MYH8: variants seen among roughly 807,000 people sequenced by gnomAD.
MYH8 encodes myosin heavy chain 8.
In MYH8, 168 loss-of-function variants were observed where a neutral mutation model predicts 233.2. The observed-to-expected ratio is 0.72, with a 90% CI of 0.64 to 0.82. The LOEUF is 0.82. MYH8 is among the 40% of genes least tolerant of loss of function. The pLI is 0.00. For missense variants in MYH8, 1,995 were observed against 2,327.8 expected (o/e 0.86, Z 2.94); for synonymous variants, 785 against 850.6 (o/e 0.92, Z 1.34).
At chr17:10,394,936 C>T (rs2072065420) in intron 34 of MYH8, among the ~76,000 whole-genome samples, 197 bp downstream of exon 34, 1 of 152,140 alleles carries the variant, frequency 6.6e-6, no homozygotes, top group African/African-American at 2.4e-5. Flanking sequence ...TACTGTAATG[C>T]CTAGGCATCT....
At position 10,419,057 on chromosome 17, in the gene MYH8, G is replaced by T. The variant is rs538554976; in HGVS notation, c.211-27C>A. On this transcript the variant is annotated intron_variant, in intron 3 of 39. Transcript: ENST00000403437. The surrounding 1 kb of genome is among the most constrained non-coding windows in gnomAD (Gnocchi z 4.0). Reference sequence around the variant, plus strand: ...TGGTGAGTAAGCAAGAAACCAGTTCGTTTTTGTTTGTTTGTTTGAGATAGA... The same window carrying T: ...TGGTGAGTAAGCAAGAAACCAGTTCTTTTTTGTTTGTTTGTTTGAGATAGA... 6.2e-7 allele frequency: 1 copy of T among 1,613,762 alleles called. No individual in the cohort carries two copies. Among genetic ancestry groups the T allele is most frequent in the South Asian group, 1.1e-5 (1 of 91,062 alleles).
chr17:10,399,438 C>T, intron 28 of MYH8, 105 bp downstream of exon 28: 2 of 1,587,608 alleles, frequency 1.3e-6, no homozygotes, highest in Non-Finnish European at 1.7e-6. Flanking sequence ...AAACTCTGAT[C>T]ATTTGTTTAT....
At chr17:10,416,536 T>A (rs187571801) in intron 5 of MYH8, among the ~76,000 whole-genome samples, 1 of 152,332 alleles carries the variant, frequency 6.6e-6, no homozygotes, top group East Asian at 1.9e-4. Flanking sequence ...CCATACTGTT[T>A]CCACAGTGGC....
chr17:10,390,498 G>A lies in MYH8; in HGVS notation c.5770C>T (p.Arg1924Ter), dbSNP rs1398243359. ...DIAESQVNKL[R>*]VKSREVHTKI... ...GTGTGAACCTCTCGGCTCTTCACTC[G>A]CAATTTGTTGACCTGGGACTCAGCA... Residue 1924 changes from arginine to a stop codon, truncating the protein, a stop_gained, in exon 40 of 40, where the codon CGA (arginine) becomes TGA (stop). Transcript: ENST00000403437. LOFTEE classifies it high-confidence loss of function. The A allele has an allele frequency of 2.5e-6, 4 of 1,613,944 alleles. No individual in the cohort carries two copies. The highest frequency in any genetic ancestry group is 1.3e-5 in the African/African-American group (1 of 74,920).
intron 28 of MYH8, 106 bp from the exon 29 acceptor site, chr17:10,398,992 G>GTA (rs147262664): frequency 1.2e-4 from 51 of 439,556 alleles, no homozygotes; most frequent in Admixed American, 1.5e-4. Flanking sequence ...ATATGTGTGT[G>GTA]TGTATATATA....
rs148448600 is a variant in MYH8 at position 10,414,241 on chromosome 17, T to A, written c.959A>T (p.Glu320Val). The A allele has an allele frequency of 4.6e-5, 74 of 1,614,022 alleles. No individual in the cohort carries two copies. Among genetic ancestry groups the A allele is most frequent in the Non-Finnish European group, 5.8e-5 (69 of 1,180,024 alleles). The change falls in exon 11 of 40, where the codon GAG becomes GTG. Residue 320 changes from glutamate (E) to valine (V), a missense_variant. This residue lies in a region of MYH8 where 479 missense variants were observed against 600.9 expected (regional missense o/e 0.80). Transcript: ENST00000403437. ...PYDYAFVSQG[E>V]ITVPSIDDQE... Reference sequence around the variant, plus strand: ...GTCATCAATACTGGGAACTGTGATCTCCCCCTGACTGACGAAGGCATAGTC... The same window carrying A: ...GTCATCAATACTGGGAACTGTGATCACCCCCTGACTGACGAAGGCATAGTC...
At position 10,404,247 on chromosome 17, in the gene MYH8, A is replaced by G. The variant is rs907842117; in HGVS notation, c.2688+83T>C. On this transcript the variant is annotated intron_variant, in intron 22 of 39. Coordinates refer to ENST00000403437, the MANE Select transcript of MYH8 (RefSeq NM_002472.3). ...AGCAACTTGAGATTTTTTTTCAAGT[A>G]GAGATCATTTGTAAATCCAAAGTAT... The G allele has an allele frequency of 3.9e-6, 6 of 1,555,986 alleles. No individual in the cohort carries two copies. In the Admixed American group the frequency reaches 5.3e-5, roughly 14 times the overall value.
Position 10,415,668 on chromosome 17 carries a change from A to G in MYH8, c.539+13T>C. On this transcript the variant is annotated intron_variant, in intron 6 of 39. Transcript: ENST00000403437. The surrounding 1 kb of genome is among the most constrained non-coding windows in gnomAD (Gnocchi z 4.1). ...CAATCCTTGCAAATCAGAGAAGAAA[A>G]AAAATCACATACGTGATCAGGATGG... 1 of 1,614,096 alleles carries G rather than the reference A, an allele frequency of 6.2e-7. No individual in the cohort carries two copies. The highest frequency in any genetic ancestry group is 1.3e-5 in the African/African-American group (1 of 75,056).
intron 10 of MYH8, 29 bp downstream of exon 10, chr17:10,414,357 T>G (rs1428443498): frequency 6.3e-7 from 1 of 1,597,016 alleles, no homozygotes; most frequent in Non-Finnish European, 8.6e-7. Flanking sequence ...AATATTAACT[T>G]CTATCTATGA....
chr17:10,409,334 C>T lies in MYH8; in HGVS notation c.1842G>A (p.Lys614=). The T allele has an allele frequency of 1.9e-6, 3 of 1,614,236 alleles. No individual in the cohort carries two copies. Among genetic ancestry groups the T allele is most frequent in the Non-Finnish European group, 2.5e-6 (3 of 1,180,040 alleles). Residue 614 remains lysine, a synonymous_variant, in exon 16 of 40, where the codon AAG becomes AAA. Transcript: ENST00000403437. ...GACTGGCTAGAGTCTTCATTGCAGA[C>T]TTCTGGTACAGCCCAACCACAGTAT... ...LNDTVVGLYQ[K]SAMKTLASLF...
Position 10,399,638 on chromosome 17 carries a change from T to C in MYH8, c.3767A>G (p.Glu1256Gly). ...GGTCTTAAGCTCACTCACTTGATCT[T>C]CTAGAGAGCGGCACATCTTTTCAAG... Reference protein sequence around the residue: ...GNLEKMCRSLEDQVSELKTKE... With the variant: ...GNLEKMCRSLGDQVSELKTKE... Residue 1256 changes from glutamate to glycine, a missense_variant, in exon 28 of 40, where the codon GAA becomes GGA. Physicochemically the swap from Glu to Gly is moderately conservative, Grantham distance 98. This residue lies in a region of MYH8 where 1,498 missense variants were observed against 1,680.9 expected (regional missense o/e 0.89). Coordinates refer to ENST00000403437, the MANE Select transcript of MYH8 (RefSeq NM_002472.3). The C allele has an allele frequency of 6.2e-7, 1 of 1,614,116 alleles. No homozygotes were observed. Among genetic ancestry groups the C allele is most frequent in the Non-Finnish European group, 8.5e-7 (1 of 1,180,006 alleles).
In MYH8 at chr17:10,400,101, G is replaced by A; in HGVS notation, c.3735+289C>T. Reference sequence around the variant, plus strand: ...GCCTGTAGTCCCAGCTACTGGGGAGGCTGAGGCAGGAGAGTGGCGTGAACC... The same window carrying A: ...GCCTGTAGTCCCAGCTACTGGGGAGACTGAGGCAGGAGAGTGGCGTGAACC... On this transcript the variant is annotated intron_variant, in intron 27 of 39. Coordinates refer to ENST00000403437, the MANE Select transcript of MYH8 (RefSeq NM_002472.3). The surrounding 1 kb of genome is among the most constrained non-coding windows in gnomAD (Gnocchi z 4.0). Among the ~76,000 whole-genome samples, 1 of 152,138 alleles carries A rather than the reference G, an allele frequency of 6.6e-6. No individual in the cohort carries two copies. Among genetic ancestry groups the A allele is most frequent in the Non-Finnish European group, 1.5e-5 (1 of 68,008 alleles).
At chr17:10,413,854 T>C in intron 12 of MYH8, 48 bp downstream of exon 12, 1 of 1,613,630 alleles carries the variant, frequency 6.2e-7, no homozygotes, top group Non-Finnish European at 8.5e-7. Flanking sequence ...AGGATTTTTT[T>C]TTTTGCTACA....
chr17:10,409,613 T>C (rs766131780), intron 15 of MYH8, 25 bp from the exon 16 acceptor site: 1 of 1,613,704 alleles, frequency 6.2e-7, no homozygotes, highest in East Asian at 2.2e-5. Context: ...GTAACATTGG[T>C]GTCAACCTAA....
chr17:10,394,900 A>T (rs574034340), intron 34 of MYH8, among the ~76,000 whole-genome samples: 3 of 152,342 alleles, frequency 2.0e-5, no homozygotes, highest in Non-Finnish European at 2.9e-5. Flanking sequence ...TCTGGTGCCC[A>T]AGTCTGTTCA....
intron 37 of MYH8, 74 bp from the exon 38 acceptor site, chr17:10,392,720 G>C: frequency 6.2e-7 from 1 of 1,612,858 alleles, no homozygotes; most frequent in East Asian, 2.2e-5. Context: ...TGAAGGCATG[G>C]GGTGGGTGTT....
At position 10,395,151 on chromosome 17, in the gene MYH8, G is replaced by A; in HGVS notation, c.4944C>T (p.Asn1648=). The A allele has an allele frequency of 6.2e-7, 1 of 1,613,522 alleles. No individual in the cohort carries two copies. Among genetic ancestry groups the A allele is most frequent in the Non-Finnish European group, 8.5e-7 (1 of 1,180,012 alleles). Reference sequence around the variant, plus strand: ...CGTTTACCTTCAGGATTCCTTGGGTGTTCCTGTAGTTCCTTAAACTCTCTG... The same window carrying A: ...CGTTTACCTTCAGGATTCCTTGGGTATTCCTGTAGTTCCTTAAACTCTCTG... ...LAAESLRNYR[N]TQGILKETQL... is the part of the protein sequence containing the mutation. The change falls in exon 34 of 40, where the codon AAC becomes AAT. Residue 1648 remains asparagine, a synonymous_variant. Coordinates refer to ENST00000403437, the MANE Select transcript of MYH8 (RefSeq NM_002472.3).
chr17:10,408,233 C>A (rs2072213661), intron 17 of MYH8, among the ~76,000 whole-genome samples: 1 of 151,952 alleles, frequency 6.6e-6, no homozygotes, highest in South Asian at 2.1e-4. Flanking sequence ...GCCACTGCGC[C>A]CGGCCAAGAA....
In MYH8 at chr17:10,406,298, A is replaced by G. The variant is rs768947660; in HGVS notation, c.2271T>C (p.Thr757=). ...KLLASIDIDH[T]QYKFGHTKVF... is the part of the protein sequence containing the mutation. ...CCTTGGTATGTCCAAATTTATATTGAGTATGATCAATATCAATAGATGCAA... is the reference window on the plus strand; with the variant it reads ...CCTTGGTATGTCCAAATTTATATTGGGTATGATCAATATCAATAGATGCAA... The change falls in exon 20 of 40, where the codon ACT becomes ACC. Residue 757 remains threonine, a synonymous_variant. Transcript: ENST00000403437. 6.2e-7 allele frequency: 1 copy of G among 1,614,046 alleles called. No homozygotes were observed. Among genetic ancestry groups the G allele is most frequent in the Non-Finnish European group, 8.5e-7 (1 of 1,179,912 alleles).
Sources: gnomAD v4.1 joint callset for allele counts (sites outside exome capture counted in the v4.1 genomes callset) on GRCh38, gnomAD v4.1.1 for gene constraint, gnomAD v4.1.1 regional missense constraint, Gnocchi (gnomAD v3.1) non-coding constraint, MANE v1.5 for transcripts, NCBI Gene and HGNC (gene_info 2026-07-23, HGNC 2026-07-21) for gene names.